Variants in BBX observed in about 807,000 individuals in gnomAD.
The protein encoded by BBX is BBX high mobility group box domain containing, also known as HMG box transcription factor BBX.
In BBX, 30 loss-of-function variants were observed where a neutral mutation model predicts 100.2. That is an observed-to-expected ratio of 0.30 (90% CI 0.22 to 0.41). The LOEUF is 0.41. BBX is among the 10% of genes least tolerant of loss of function. The probability of loss-of-function intolerance (pLI) is 1.00; values close to 1 mark genes in which losing one functional copy is unlikely to be tolerated. For missense variants in BBX, 1,023 were observed against 1,129.8 expected (o/e 0.91, Z 1.35); for synonymous variants, 376 against 388.1 (o/e 0.97, Z 0.37).
intron 6 of BBX, 134 bp from the exon 7 acceptor site, chr3:107,732,822 A>T: frequency 1.4e-6 from 1 of 714,366 alleles, no homozygotes. Flanking sequence ...AAGAGTTTTT[A>T]AAAGTTTTTA....
In BBX at chr3:107,807,809, C is replaced by T. The variant is rs1374258925; in HGVS notation, c.*2352C>T. 3 of 151,864 alleles carry T rather than the reference C, an allele frequency of 2.0e-5. No individual in the cohort carries two copies. Among genetic ancestry groups the T allele is most frequent in the African/African-American group, 7.3e-5 (3 of 41,364 alleles). 9.4% of individuals were successfully genotyped at this position (151,864 alleles called of 1,614,324 possible). A position where few individuals can be genotyped will look rare whatever the true frequency, so the allele number is the denominator to read the frequency against. The stretch of plus-strand genomic sequence containing the variant: ...AAACCTCAGTGGCTTTTCCCTTAGG[C>T]AGGGTTGGGGGTGGGAGGGCAACTT... On this transcript the variant is annotated 3_prime_UTR_variant, in exon 18 of 18. Transcript: ENST00000325805.
chr3:107,714,784 G>A (rs1037743440), intron 4 of BBX, among the ~76,000 whole-genome samples: 6 of 151,856 alleles, frequency 4.0e-5, no homozygotes, highest in Non-Finnish European at 8.8e-5. Flanking sequence ...AATACTTAAC[G>A]GCAAAAGACT....
intron 4 of BBX, among the ~76,000 whole-genome samples, chr3:107,714,667 C>T (rs1404704089): frequency 6.6e-6 from 1 of 152,050 alleles, no homozygotes; most frequent in African/African-American, 2.4e-5. Flanking sequence ...AGGCTTCACC[C>T]CAATAATAAT....
chr3:107,704,949 TG>T, intron 3 of BBX, among the ~76,000 whole-genome samples: 1 of 152,152 alleles, frequency 6.6e-6, no homozygotes, highest in Middle Eastern at 3.4e-3. Flanking sequence ...TCAGAGAAAA[TG>T]GGAGACTTTT....
At chr3:107,592,728 C>G (rs534445314) in intron 2 of BBX, among the ~76,000 whole-genome samples, 1 of 152,116 alleles carries the variant, frequency 6.6e-6, no homozygotes, top group African/African-American at 2.4e-5. Context: ...TGTTTAGATT[C>G]ATCAAATAGT....
intron 2 of BBX, among the ~76,000 whole-genome samples, chr3:107,548,107 G>T (rs960350157): frequency 6.6e-6 from 1 of 152,148 alleles, no homozygotes; most frequent in East Asian, 1.9e-4. Flanking sequence ...ACGTATGATT[G>T]TGTGTCAGAC....
At chr3:107,710,327 T>C (rs1190679330) in intron 3 of BBX, 125 bp from the exon 4 acceptor site, 5 of 725,904 alleles carry the variant, frequency 6.9e-6, no homozygotes, top group Admixed American at 3.3e-5. Flanking sequence ...GTCATTAAAA[T>C]TATAATCTAA....
chr3:107,568,133 G>C (rs925538333), intron 2 of BBX, among the ~76,000 whole-genome samples: 4 of 151,664 alleles, frequency 2.6e-5, no homozygotes, highest in Non-Finnish European at 4.4e-5. Flanking sequence ...GTTTATCCTT[G>C]CTACTCAGAA....
intron 9 of BBX, among the ~76,000 whole-genome samples, chr3:107,752,542 A>T (rs2065153627): frequency 6.6e-6 from 1 of 152,156 alleles, no homozygotes; most frequent in Non-Finnish European, 1.5e-5. Flanking sequence ...ACCTAATTTG[A>T]TTCTCATCTT....
At chr3:107,583,928 A>ATT (rs1559838950) in intron 2 of BBX, among the ~76,000 whole-genome samples, 15 of 107,346 alleles carry the variant, frequency 1.4e-4, no homozygotes, top group African/African-American at 5.8e-4. Context: ...CTTTATATAT[A>ATT]ATATATATAT....
chr3:107,799,079 G>A (rs1302980266), intron 16 of BBX, among the ~76,000 whole-genome samples: 1 of 151,620 alleles, frequency 6.6e-6, no homozygotes, highest in Non-Finnish European at 1.5e-5. Context: ...GAACCCGAGA[G>A]TCGGAGGTTG....
intron 2 of BBX, among the ~76,000 whole-genome samples, chr3:107,626,101 G>A (rs1576057830): frequency 6.6e-6 from 1 of 152,036 alleles, no homozygotes; most frequent in Admixed American, 6.6e-5. Context: ...TTATACAATC[G>A]ATAATATATT....
Position 107,771,374 on chromosome 3 carries a change from T to C in BBX, c.907-1254T>C, listed in dbSNP as rs1305043753. Among the ~76,000 whole-genome samples the C allele has an allele frequency of 2.0e-5, 3 of 148,698 alleles. No individual in the cohort carries two copies. The East Asian group carries it at 6.1e-4, about 30-fold the overall frequency. On this transcript the variant is annotated intron_variant, in intron 10 of 17. Coordinates refer to ENST00000325805, the MANE Select transcript of BBX (RefSeq NM_001142568.3). ...GGGAGCCAGAGAGGAAAATGGCAAC[T>C]TTCCCCTTGAATGTTCTGTACGTGA... is the stretch of plus-strand genomic sequence containing the variant.
chr3:107,557,731 G>A (rs1271351184), intron 2 of BBX, among the ~76,000 whole-genome samples: 2 of 152,176 alleles, frequency 1.3e-5, no homozygotes, highest in Non-Finnish European at 2.9e-5. Flanking sequence ...AGATATTAAA[G>A]CTCTATTTCA....
intron 3 of BBX, among the ~76,000 whole-genome samples, chr3:107,678,715 AG>A (rs1008534107): frequency 1.3e-5 from 2 of 152,116 alleles, no homozygotes; most frequent in Non-Finnish European, 2.9e-5. Context: ...AAGAAGGGCA[AG>A]ACCGTTTCTC....
chr3:107,709,600 T>C (rs771541246), intron 3 of BBX, among the ~76,000 whole-genome samples: 4 of 152,244 alleles, frequency 2.6e-5, no homozygotes, highest in Admixed American at 6.5e-5. Flanking sequence ...AACATTACTT[T>C]GAATGAGTGA....
chr3:107,710,447 T>C lies in BBX; in HGVS notation c.-9-5T>C, dbSNP rs751612100. On this transcript the variant is annotated splice_polypyrimidine_tract_variant and splice_region_variant and intron_variant, in intron 3 of 17. Coordinates refer to ENST00000325805, the MANE Select transcript of BBX (RefSeq NM_001142568.3). ...CCTGTTTCTCTCTCTCTCTTCCTAT[T>C]ACAGGTCACAGTAATGAAAGGCAGT... The C allele has an allele frequency of 6.2e-7, 1 of 1,605,844 alleles. No individual in the cohort carries two copies. The highest frequency in any genetic ancestry group is 8.5e-7 in the Non-Finnish European group (1 of 1,175,070).
chr3:107,766,297 C>A (rs1387482443), intron 10 of BBX, among the ~76,000 whole-genome samples: 1 of 152,078 alleles, frequency 6.6e-6, no homozygotes, highest in Non-Finnish European at 1.5e-5. Context: ...GAATATAAAT[C>A]TTGCATGACA....
chr3:107,686,424 G>GT (rs201954433), intron 3 of BBX, among the ~76,000 whole-genome samples: 2 of 149,446 alleles, frequency 1.3e-5, no homozygotes, highest in African/African-American at 4.9e-5. Context: ...TGTTGTTCTT[G>GT]TTTTTTGTTT....
Sources: allele counts gnomAD v4.1 joint callset (sites outside exome capture counted in the v4.1 genomes callset), GRCh38; gene constraint gnomAD v4.1.1; transcripts MANE v1.5; gene names NCBI Gene and HGNC (gene_info 2026-07-23, HGNC 2026-07-21).